Variants in RNF212B observed in about 807,000 individuals in gnomAD.
RNF212B encodes the protein E3 ubiquitin-protein ligase RNF212B.
RNF212B carries 52 observed loss-of-function variants against 55.5 expected under a neutral mutation model. That is an observed-to-expected ratio of 0.94 (90% confidence interval 0.75 to 1.18). The LOEUF (loss-of-function observed/expected upper bound fraction) is 1.18, where lower values mean the gene tolerates loss of function less well. Ranked by LOEUF, RNF212B falls within the 50% of genes most tolerant of loss-of-function variation. The pLI, the probability that RNF212B is intolerant of heterozygous loss-of-function variation, is 0.00. For missense variants in RNF212B, 289 were observed against 350.4 expected (o/e 0.82, Z 1.40); for synonymous variants, 99 against 121.4 (o/e 0.82, Z 1.21).
intron 1 of RNF212B, among the ~76,000 whole-genome samples, chr14:23,186,432 C>A (rs969686208): frequency 6.6e-6 from 1 of 151,734 alleles, no homozygotes; most frequent in African/African-American, 2.4e-5. Context: ...TCACTGCAAC[C>A]TCTGGCTCCT....
chr14:23,251,432 T>G (rs1038304771), intron 4 of RNF212B, among the ~76,000 whole-genome samples: 5 of 152,342 alleles, frequency 3.3e-5, no homozygotes, highest in Admixed American at 1.3e-4. Flanking sequence ...ATGAACTTCC[T>G]CCTGCTCCCA....
chr14:23,198,175 T>C (rs1388518893), intron 2 of RNF212B, among the ~76,000 whole-genome samples: 1 of 152,212 alleles, frequency 6.6e-6, no homozygotes, highest in Non-Finnish European at 1.5e-5. Context: ...CCTTCTTATA[T>C]GTCTTGTCTT....
At chr14:23,217,592 G>T (rs1308019821) in intron 2 of RNF212B, among the ~76,000 whole-genome samples, 1 of 152,104 alleles carries the variant, frequency 6.6e-6, no homozygotes, top group Non-Finnish European at 1.5e-5. Flanking sequence ...ATTTTGGGGT[G>T]GGGGAGAAAG....
chr14:23,264,262 G>A (rs1393717155), intron 10 of RNF212B, 28 bp downstream of exon 10: 2 of 1,511,764 alleles, frequency 1.3e-6, no homozygotes, highest in Admixed American at 2.0e-5. Flanking sequence ...TATCTTTCCA[G>A]ATTGAAGTTT....
intron 4 of RNF212B, among the ~76,000 whole-genome samples, chr14:23,256,337 G>A (rs1206935058): frequency 6.6e-6 from 1 of 151,694 alleles, no homozygotes; most frequent in Non-Finnish European, 1.5e-5. Context: ...GTAATTCCCA[G>A]GATTCAGAGT....
At chr14:23,248,419 A>T (rs997973950) in intron 4 of RNF212B, among the ~76,000 whole-genome samples, 3 of 144,018 alleles carry the variant, frequency 2.1e-5, no homozygotes, top group Non-Finnish European at 4.5e-5. Flanking sequence ...GGCATGAGCC[A>T]CCACGCCCAA....
intron 2 of RNF212B, among the ~76,000 whole-genome samples, chr14:23,221,727 G>A (rs566738255): frequency 2.0e-5 from 3 of 152,178 alleles, no homozygotes; most frequent in South Asian, 2.1e-4. Flanking sequence ...AAGGATAGAC[G>A]ATATGTTAGG....
intron 1 of RNF212B, among the ~76,000 whole-genome samples, chr14:23,189,967 T>C (rs1218097911): frequency 6.6e-6 from 1 of 152,154 alleles, no homozygotes; most frequent in Admixed American, 6.5e-5. Context: ...TCCATTGTTG[T>C]CAAGGTCACC....
chr14:23,272,452 CCGAA>C, intron 14 of RNF212B: 7 of 257,010 alleles, frequency 2.7e-5, no homozygotes, highest in South Asian at 2.6e-4. Context: ...AAACAAACAA[CCGAA>C]AATGTGAAAA....
At chr14:23,218,379 TAAATAA>T (rs1594891656) in intron 2 of RNF212B, among the ~76,000 whole-genome samples, 1 of 137,526 alleles carries the variant, frequency 7.3e-6, no homozygotes, top group East Asian at 2.1e-4. Flanking sequence ...AAAAAAAAAA[TAAATAA>T]AAAGAAGAAT....
At chr14:23,190,554 G>A (rs901714658) in intron 1 of RNF212B, among the ~76,000 whole-genome samples, 2 of 152,068 alleles carry the variant, frequency 1.3e-5, no homozygotes, top group African/African-American at 2.4e-5. Context: ...CGCAAATATC[G>A]AGAGACTGAT....
At chr14:23,214,409 G>A (rs1182985361) in intron 2 of RNF212B, among the ~76,000 whole-genome samples, 35 of 152,130 alleles carry the variant, frequency 2.3e-4, no homozygotes, top group African/African-American at 7.2e-4. Flanking sequence ...CAGGAGAATC[G>A]CTTGAACCCA....
intron 2 of RNF212B, among the ~76,000 whole-genome samples, chr14:23,205,252 G>C (rs532279252): frequency 6.7e-6 from 1 of 149,980 alleles, no homozygotes. Context: ...GTTTTATACA[G>C]AGCCTTTAAA....
intron 4 of RNF212B, among the ~76,000 whole-genome samples, chr14:23,251,874 C>A (rs548815712): frequency 1.3e-5 from 2 of 151,712 alleles, no homozygotes; most frequent in South Asian, 2.1e-4. Flanking sequence ...GGAAAAGATG[C>A]AAAGTATGTG....
At chr14:23,262,640 C>A in intron 7 of RNF212B, 25 bp from the exon 8 acceptor site, 1 of 1,545,082 alleles carries the variant, frequency 6.5e-7, no homozygotes. Flanking sequence ...GAGATTAGAG[C>A]CGCCTCTTTT....
rs111950236 is a variant in RNF212B at position 23,191,223 on chromosome 14, G to A, written c.-78-2102G>A. On this transcript the variant is annotated intron_variant, in intron 1 of 15. Transcript: ENST00000399910. ...ACAAAAATTAACCAGGGCTGGTGGC[G>A]GTGCACACCTGTAGTCCCAGCTACT... Among the ~76,000 whole-genome samples the A allele has an allele frequency of 1.6e-4, 24 of 151,962 alleles. 1 individual carries two copies. Among genetic ancestry groups the A allele is most frequent in the African/African-American group, 3.1e-4 (13 of 41,420 alleles).
At chr14:23,258,950 C>T (rs952199625) in intron 5 of RNF212B, among the ~76,000 whole-genome samples, 2 of 151,506 alleles carry the variant, frequency 1.3e-5, no homozygotes, top group African/African-American at 2.4e-5. Flanking sequence ...CTTTGGGTGA[C>T]CGAAGCAGAA....
At chr14:23,185,387 G>A (rs1877492127) in exon 1 of RNF212B, 1 of 152,208 alleles carries the variant, frequency 6.6e-6, no homozygotes, top group Admixed American at 6.5e-5. Flanking sequence ...AGAAAGCACT[G>A]AGGAAAAATT....
At chr14:23,246,928 G>A (rs1434212890) in intron 4 of RNF212B, among the ~76,000 whole-genome samples, 9 of 152,076 alleles carry the variant, frequency 5.9e-5, no homozygotes, top group Non-Finnish European at 1.0e-4. Flanking sequence ...ATCACCTGAG[G>A]TCCGGGGTTC....
Sources: allele counts gnomAD v4.1 joint callset (sites outside exome capture counted in the v4.1 genomes callset), GRCh38; gene constraint gnomAD v4.1.1; transcripts MANE v1.5; gene names NCBI Gene and HGNC (gene_info 2026-07-23, HGNC 2026-07-21).